Variants in IL7R observed in about 807,000 individuals in gnomAD.
IL7R encodes interleukin-7 receptor subunit alpha.
In IL7R, 38 loss-of-function variants were observed where a neutral mutation model predicts 47.0. The observed-to-expected ratio is 0.81, with a 90% CI of 0.62 to 1.06. The LOEUF (loss-of-function observed/expected upper bound fraction) is 1.06. IL7R is among the 50% of genes least tolerant of loss of function. The pLI is 0.00. For synonymous variants in IL7R, 221 were observed against 199.8 expected (o/e 1.11, Z -0.89); for missense variants, 633 against 534.8 (o/e 1.18, Z -1.81).
rs1561423362 is a variant in IL7R, at chr5:35,871,199, GA to G, written c.527del (p.Asn176ThrfsTer6). On this transcript the variant is annotated frameshift_variant, in exon 4 of 8. Coordinates refer to ENST00000303115, the MANE Select transcript of IL7R (RefSeq NM_002185.5). LOFTEE classifies it high-confidence loss of function. The part of the protein sequence containing the change: ...HDVAYRQEKD[E>X]NKWTHVNLSS... The stretch of plus-strand genomic sequence containing the variant: ...TGTAGCTTACCGCCAGGAAAAGGAT[GA>G]AAACAAATGGACGGTATGTAGTTCA... 1 of 1,611,996 alleles carries G rather than the reference GA, an allele frequency of 6.2e-7. No individual in the cohort carries two copies. The highest frequency in any genetic ancestry group is 1.7e-5 in the Admixed American group (1 of 60,016).
chr5:35,857,316 A>G (rs1413239232), intron 1 of IL7R, among the ~76,000 whole-genome samples: 1 of 107,600 alleles, frequency 9.3e-6, no homozygotes, highest in Non-Finnish European at 2.1e-5. Context: ...TAAATGTTGA[A>G]TGATTACTCT....
At chr5:35,874,777 A>G (rs1396589448) in intron 6 of IL7R, among the ~76,000 whole-genome samples, 1 of 152,240 alleles carries the variant, frequency 6.6e-6, no homozygotes, top group African/African-American at 2.4e-5. Context: ...CCGTAATGCA[A>G]TGTTTCCCAA....
rs369068861 is a variant in IL7R, at chr5:35,873,747, T to C, written c.706+99T>C. 9.2e-6 allele frequency: 10 copies of C among 1,082,910 alleles called. No homozygotes were observed. In the African/African-American group the frequency reaches 1.5e-4, roughly 17 times the overall value. The allele number at this position is 1,082,910 out of a possible 1,614,324, so 67.1% of individuals were successfully genotyped here. ...AGATTGTTGAAACTAACCTGCAAAA[T>C]AGGACACCCTTGGAGGGCACTCTTA... On this transcript the variant is annotated intron_variant, in intron 5 of 7. Coordinates refer to ENST00000303115, the MANE Select transcript of IL7R (RefSeq NM_002185.5).
rs149811361 is a variant in IL7R, at chr5:35,876,196, G to C, written c.1090G>C (p.Asp364His). 6.2e-7 allele frequency: 1 copy of C among 1,614,154 alleles called. No individual in the cohort carries two copies. Among genetic ancestry groups the C allele is most frequent in the Non-Finnish European group, 8.5e-7 (1 of 1,180,020 alleles). ...VVITPESFGR[D>H]SSLTCLAGNV... is the part of the protein sequence containing the mutation. ...CATCACTCCAGAAAGCTTTGGAAGA[G>C]ATTCATCCCTCACATGCCTGGCTGG... The change falls in exon 8 of 8, where the codon GAT (aspartate) becomes CAT (histidine). Residue 364 changes from aspartate to histidine, a missense_variant. Transcript: ENST00000303115.
chr5:35,862,315 G>A (rs779781761), intron 2 of IL7R, among the ~76,000 whole-genome samples: 13 of 152,094 alleles, frequency 8.5e-5, no homozygotes, highest in Non-Finnish European at 1.6e-4. Context: ...TTAACCAGCT[G>A]GCTGGTGGGC....
rs1318974974 is a variant in IL7R at position 35,878,894 on chromosome 5, G to A, written c.*2408G>A. 1 of 232,746 alleles carries A rather than the reference G, an allele frequency of 4.3e-6. No individual in the cohort carries two copies. Among genetic ancestry groups the A allele is most frequent in the Non-Finnish European group, 8.5e-6 (1 of 117,878 alleles). 14.4% of individuals were successfully genotyped at this position (232,746 alleles called of 1,614,324 possible). On this transcript the variant is annotated 3_prime_UTR_variant, in exon 8 of 8. Coordinates refer to ENST00000303115, the MANE Select transcript of IL7R (RefSeq NM_002185.5). Reference sequence around the variant, plus strand: ...CAGCTCTAAAATCCTTTGTTTCAATGTTGTTTGGCATATGTTATCTTTGGA... The same window carrying A: ...CAGCTCTAAAATCCTTTGTTTCAATATTGTTTGGCATATGTTATCTTTGGA...
chr5:35,861,666 G>A (rs1001075840), intron 2 of IL7R, among the ~76,000 whole-genome samples: 1 of 151,890 alleles, frequency 6.6e-6, no homozygotes, highest in African/African-American at 2.4e-5. Flanking sequence ...GAATAAGTTG[G>A]CATTTTGTTT....
intron 6 of IL7R, 120 bp downstream of exon 6, chr5:35,874,662 C>A (rs958529577): frequency 1.3e-6 from 1 of 784,820 alleles, no homozygotes; most frequent in Non-Finnish European, 2.3e-6. Context: ...GAATTTAGTG[C>A]CCAGTATCCC....
intron 7 of IL7R, 134 bp downstream of exon 7, chr5:35,875,721 GA>G (rs1760190004): frequency 3.7e-6 from 3 of 812,264 alleles, no homozygotes; most frequent in South Asian, 2.9e-5. Flanking sequence ...TCCCTCCTAA[GA>G]CCCTAGCTGC....
rs1466229538 is a variant in IL7R at position 35,865,356 on chromosome 5, T to C, written c.222-1950T>C. Among the ~76,000 whole-genome samples the C allele has an allele frequency of 1.2e-3, 189 of 152,292 alleles. 1 individual carries two copies. Among genetic ancestry groups the C allele is most frequent in the Non-Finnish European group, 8.4e-4 (57 of 68,022 alleles). ...TGCCACATTTTCTTAATCCAGTCTA[T>C]CATTGATGGACATTTGGCTTGGTTC... On this transcript the variant is annotated intron_variant, in intron 2 of 7. Transcript: ENST00000303115.
intron 3 of IL7R, among the ~76,000 whole-genome samples, chr5:35,870,060 G>A (rs1240400872): frequency 1.3e-5 from 2 of 152,074 alleles, no homozygotes; most frequent in African/African-American, 2.4e-5. Context: ...TGATGAACCC[G>A]CATCTTCTTG....
rs576406252 is a variant in IL7R at position 35,877,899 on chromosome 5, A to G, written c.*1413A>G. ...AGGCCTCCAAACCCTGGCTGTTCAC[A>G]GAACCACAAAGGGCAGATGCTGCAC... is the stretch of plus-strand genomic sequence containing the variant. On this transcript the variant is annotated 3_prime_UTR_variant, in exon 8 of 8. Transcript: ENST00000303115. The G allele has an allele frequency of 8.6e-5, 20 of 233,338 alleles. No individual in the cohort carries two copies. Among genetic ancestry groups the G allele is most frequent in the African/African-American group, 3.5e-4 (16 of 45,482 alleles). 14.5% of individuals were successfully genotyped at this position (233,338 alleles called of 1,614,324 possible).
chr5:35,876,306 G>A lies in IL7R; in HGVS notation c.1200G>A (p.Val400=), dbSNP rs140634356. ...AGAGTGGCAAGAATGGGCCTCATGTGTACCAGGACCTCCTGCTTAGCCTTG... is the reference window on the plus strand; with the variant it reads ...AGAGTGGCAAGAATGGGCCTCATGTATACCAGGACCTCCTGCTTAGCCTTG... ...CRESGKNGPH[V]YQDLLLSLGT... Residue 400 remains valine (V), a synonymous_variant, in exon 8 of 8, where the codon GTG becomes GTA. Coordinates refer to ENST00000303115, the MANE Select transcript of IL7R (RefSeq NM_002185.5). The A allele has an allele frequency of 1.4e-4, 220 of 1,613,704 alleles. No individual in the cohort carries two copies. In the African/African-American group the frequency reaches 2.6e-3, roughly 19 times the overall value.
chr5:35,877,390 T>C lies in IL7R; in HGVS notation c.*904T>C. The stretch of plus-strand genomic sequence containing the variant: ...AGGTAAAGAAGTCAAGAAAAAGCCA[T>C]GAAGCCCATTTGGTTTCATTTTTCT... On this transcript the variant is annotated 3_prime_UTR_variant, in exon 8 of 8. Coordinates refer to ENST00000303115, the MANE Select transcript of IL7R (RefSeq NM_002185.5). The C allele has an allele frequency of 4.3e-6, 1 of 233,192 alleles. No individual in the cohort carries two copies. The highest frequency in any genetic ancestry group is 6.0e-5 in the East Asian group (1 of 16,596). 14.4% of individuals were successfully genotyped at this position (233,192 alleles called of 1,614,324 possible). A position where few individuals can be genotyped will look rare whatever the true frequency, so the allele number is the denominator to read the frequency against.
At chr5:35,867,851 A>G (rs769919908) in intron 3 of IL7R, among the ~76,000 whole-genome samples, 1 of 152,150 alleles carries the variant, frequency 6.6e-6, no homozygotes, top group Non-Finnish European at 1.5e-5. Context: ...GAGTAAGTTT[A>G]GCTAACTTAT....
intron 1 of IL7R, 133 bp downstream of exon 1, chr5:35,857,192 A>C: frequency 1.6e-6 from 1 of 634,546 alleles, no homozygotes. Context: ...ATATTCAGTC[A>C]TTTTTTTTAA....
chr5:35,858,389 C>A (rs768892459), intron 1 of IL7R, among the ~76,000 whole-genome samples: 1 of 152,086 alleles, frequency 6.6e-6, no homozygotes, highest in Non-Finnish European at 1.5e-5. Context: ...GAAAGGGATA[C>A]TTTTTAAAAA....
chr5:35,875,381 A>C, intron 6 of IL7R, 131 bp from the exon 7 acceptor site: 1 of 738,526 alleles, frequency 1.4e-6, no homozygotes, highest in Non-Finnish European at 2.4e-6. Context: ...GACCATGGTC[A>C]CCCACCTAAT....
In IL7R at chr5:35,860,898, T is replaced by C. The variant is rs1273666609; in HGVS notation, c.129T>C (p.Tyr43=). The change falls in exon 2 of 8, where the codon TAT becomes TAC. Residue 43 remains tyrosine, a synonymous_variant. Coordinates refer to ENST00000303115, the MANE Select transcript of IL7R (RefSeq NM_002185.5). Reference sequence around the variant, plus strand: ...TGGATGACTACTCATTCTCATGCTATAGCCAGTTGGAAGTGAATGGATCGC... The same window carrying C: ...TGGATGACTACTCATTCTCATGCTACAGCCAGTTGGAAGTGAATGGATCGC... The part of the protein sequence containing the change: ...AELDDYSFSC[Y]SQLEVNGSQH... 3 of 1,613,584 alleles carry C rather than the reference T, an allele frequency of 1.9e-6. No homozygotes were observed. Among genetic ancestry groups the C allele is most frequent in the Admixed American group, 3.3e-5 (2 of 59,998 alleles).
Sources: allele counts gnomAD v4.1 joint callset (sites outside exome capture counted in the v4.1 genomes callset), GRCh38; gene constraint gnomAD v4.1.1; transcripts MANE v1.5; gene names NCBI Gene and HGNC (gene_info 2026-07-23, HGNC 2026-07-21).